The following KIFAP3 variants were observed in gnomAD, a reference collection of about 807,000 sequenced individuals.
KIFAP3 encodes kinesin-associated protein 3.
A neutral mutation model predicts 106.5 loss-of-function variants in KIFAP3; 68 were observed. The observed-to-expected ratio is 0.64, with a 90% CI of 0.53 to 0.78. KIFAP3 has a LOEUF of 0.78. Ranked by LOEUF, KIFAP3 falls within the 30% of genes least tolerant of loss-of-function variation. KIFAP3 has a pLI of 0.00. For missense variants in KIFAP3, 780 were observed against 941.8 expected (o/e 0.83, Z 2.25); for synonymous variants, 320 against 311.5 (o/e 1.03, Z -0.29).
chr1:169,927,682 A>T (rs1161261297), intron 19 of KIFAP3, among the ~76,000 whole-genome samples: 1 of 152,234 alleles, frequency 6.6e-6, no homozygotes, highest in East Asian at 1.9e-4. Context: ...AAGTCAAGTA[A>T]GATCTCACAG....
chr1:170,030,078 T>A (rs1273198067), intron 8 of KIFAP3, among the ~76,000 whole-genome samples: 2 of 151,930 alleles, frequency 1.3e-5, no homozygotes, highest in African/African-American at 2.4e-5. Context: ...AAGGATTTCT[T>A]AGACACAATA....
intron 1 of KIFAP3, among the ~76,000 whole-genome samples, chr1:170,059,068 G>GA (rs1670998098): frequency 6.6e-6 from 1 of 152,104 alleles, no homozygotes; most frequent in African/African-American, 2.4e-5. Flanking sequence ...GAGTAAGCAG[G>GA]AAAGATCTAA....
chr1:169,982,073 A>G lies in KIFAP3; in HGVS notation c.1697T>C (p.Leu566Ser). 1 of 1,613,524 alleles carries G rather than the reference A, an allele frequency of 6.2e-7. No homozygotes were observed. The change falls in exon 15 of 20, where the codon TTA becomes TCA. Residue 566 changes from leucine (L) to serine (S), a missense_variant. Leu to Ser is a moderately radical substitution (Grantham distance 145). Coordinates refer to ENST00000361580, the MANE Select transcript of KIFAP3 (RefSeq NM_014970.4). Reference protein sequence around the residue: ...KPGAAEDDLVLEVVIMIGTVS... With the variant: ...KPGAAEDDLVSEVVIMIGTVS... Reference sequence around the variant, plus strand: ...AGTTCCAATCATTATAACCACTTCTAAAACAAGATCATCTTCTGCAGCACC... The same window carrying G: ...AGTTCCAATCATTATAACCACTTCTGAAACAAGATCATCTTCTGCAGCACC...
intron 10 of KIFAP3, among the ~76,000 whole-genome samples, chr1:170,005,551 T>G (rs1042220883): frequency 4.6e-5 from 7 of 151,852 alleles, no homozygotes; most frequent in African/African-American, 1.7e-4. Flanking sequence ...GTTCATGTCC[T>G]TTGCAGGGAC....
At chr1:170,016,896 C>T (rs897126216) in intron 9 of KIFAP3, among the ~76,000 whole-genome samples, 1 of 152,146 alleles carries the variant, frequency 6.6e-6, no homozygotes, top group African/African-American at 2.4e-5. Context: ...CATTATTGAA[C>T]ACCACCTACT....
intron 19 of KIFAP3, among the ~76,000 whole-genome samples, chr1:169,930,169 T>C (rs780159783): frequency 3.3e-5 from 5 of 152,196 alleles, no homozygotes; most frequent in Non-Finnish European, 7.4e-5. Context: ...TTGCATTAAG[T>C]TTTCTATTCC....
At chr1:170,048,580 G>A (rs755290199) in intron 2 of KIFAP3, among the ~76,000 whole-genome samples, 1 of 151,912 alleles carries the variant, frequency 6.6e-6, no homozygotes, top group South Asian at 2.1e-4. Flanking sequence ...TCAGTCTGCA[G>A]CTCCCAGTGA....
At chr1:169,971,162 T>C (rs977377484) in intron 17 of KIFAP3, among the ~76,000 whole-genome samples, 1 of 152,050 alleles carries the variant, frequency 6.6e-6, no homozygotes, top group Non-Finnish European at 1.5e-5. Flanking sequence ...ATCTTCTAGT[T>C]ACCTTTCCTA....
intron 3 of KIFAP3, among the ~76,000 whole-genome samples, chr1:170,044,589 T>C (rs771752331): frequency 6.6e-6 from 1 of 152,212 alleles, no homozygotes; most frequent in African/African-American, 2.4e-5. Context: ...TTTGGGGCAA[T>C]GTCAGAAACA....
chr1:170,074,076 T>C (rs1278425262), intron 1 of KIFAP3, among the ~76,000 whole-genome samples: 1 of 151,452 alleles, frequency 6.6e-6, no homozygotes, highest in Non-Finnish European at 1.5e-5. Flanking sequence ...ATTCCCAGGC[T>C]CTCATGGGAT....
intron 19 of KIFAP3, among the ~76,000 whole-genome samples, chr1:169,950,238 T>C (rs1274072048): frequency 6.6e-6 from 1 of 152,112 alleles, no homozygotes. Flanking sequence ...AACTGAAACA[T>C]TAAGAAAACA....
At chr1:169,994,334 T>TGC (rs1443026055) in intron 10 of KIFAP3, among the ~76,000 whole-genome samples, 1 of 152,188 alleles carries the variant, frequency 6.6e-6, no homozygotes, top group Non-Finnish European at 1.5e-5. Context: ...CCTCATTTGA[T>TGC]GCCTTTGGTA....
At chr1:170,015,942 C>A (rs1454615357) in intron 10 of KIFAP3, among the ~76,000 whole-genome samples, 1 of 151,978 alleles carries the variant, frequency 6.6e-6, no homozygotes, top group African/African-American at 2.4e-5. Flanking sequence ...AAAAAATACC[C>A]TTTTTAGAGG....
rs541425917 is a variant in KIFAP3 at position 170,052,013 on chromosome 1, A to G, written c.164+3292T>C. On this transcript the variant is annotated intron_variant, in intron 2 of 19. Transcript: ENST00000361580. ...TAAGATCAGAGCAGAAATGAAGGAG[A>G]TAAAGACACAAAAAACTCTTCCAAA... Among the ~76,000 whole-genome samples the G allele has an allele frequency of 1.8e-4, 28 of 152,264 alleles. 1 individual carries two copies. In the South Asian group the frequency reaches 5.8e-3, roughly 32 times the overall value.
intron 11 of KIFAP3, among the ~76,000 whole-genome samples, chr1:169,987,516 C>T (rs955523627): frequency 3.9e-5 from 6 of 152,064 alleles, no homozygotes; most frequent in South Asian, 2.1e-4. Flanking sequence ...CTTTGCATGC[C>T]TCCGGAATCT....
At chr1:169,994,244 T>C (rs919104586) in intron 10 of KIFAP3, among the ~76,000 whole-genome samples, 10 of 152,086 alleles carry the variant, frequency 6.6e-5, no homozygotes, top group Non-Finnish European at 1.0e-4. Context: ...AGTGGTTGAG[T>C]GGGGATTTAA....
At chr1:170,040,362 T>C (rs1256763571) in intron 3 of KIFAP3, among the ~76,000 whole-genome samples, 3 of 152,184 alleles carry the variant, frequency 2.0e-5, no homozygotes, top group Non-Finnish European at 4.4e-5. Context: ...TTCCTATATC[T>C]TCAATTATTA....
At chr1:170,064,145 T>G (rs1287166224) in intron 1 of KIFAP3, among the ~76,000 whole-genome samples, 3 of 152,212 alleles carry the variant, frequency 2.0e-5, no homozygotes, top group Non-Finnish European at 4.4e-5. Context: ...GCCAATAGCT[T>G]GAACATTATT....
rs144321200 is a variant in KIFAP3 at position 170,046,715 on chromosome 1, T to C, written c.316A>G (p.Lys106Glu). Residue 106 changes from lysine to glutamate, a missense_variant, in exon 3 of 20, where the codon AAA becomes GAA. By Grantham distance (56) the Lys-to-Glu change is moderately conservative (BLOSUM62 1). Around this residue, in one of 3 missense-constraint regions of KIFAP3, gnomAD observed 588 missense variants for 678.9 expected, o/e 0.87. Transcript: ENST00000361580. ...AGCCAGGAATTCTACTACTTACCTT[T>C]TCCTGACAATGAATCACGGCGGTTC... ...LQNRRDSLSG[K>E]EKKEKSSKPK... 2.6e-6 allele frequency: 4 copies of C among 1,538,280 alleles called. No individual in the cohort carries two copies. The highest frequency in any genetic ancestry group is 2.6e-6 in the Non-Finnish European group (3 of 1,139,946).
Sources: gnomAD v4.1 joint callset for allele counts (sites outside exome capture counted in the v4.1 genomes callset) on GRCh38, gnomAD v4.1.1 for gene constraint, gnomAD v4.1.1 regional missense constraint, MANE v1.5 for transcripts, NCBI Gene and HGNC (gene_info 2026-07-23, HGNC 2026-07-21) for gene names.